Variants in PPP1R16B observed in about 807,000 individuals in gnomAD.
PPP1R16B encodes protein phosphatase 1 regulatory subunit 16B.
A neutral mutation model predicts 61.7 loss-of-function variants in PPP1R16B; 14 were observed. The observed-to-expected ratio is 0.23, with a 90% CI of 0.15 to 0.35. The LOEUF (loss-of-function observed/expected upper bound fraction) is 0.35. Ranked by LOEUF, PPP1R16B falls within the 10% of genes least tolerant of loss-of-function variation. The probability of loss-of-function intolerance (pLI) is 1.00; values close to 1 mark genes in which losing one functional copy is unlikely to be tolerated. For synonymous variants in PPP1R16B, 266 were observed against 305.3 expected (o/e 0.87, Z 1.34); for missense variants, 547 against 752.5 (o/e 0.73, Z 3.19).
chr20:38,883,451 G>A (rs2085217915), intron 2 of PPP1R16B, among the ~76,000 whole-genome samples: 1 of 152,384 alleles, frequency 6.6e-6, no homozygotes, highest in East Asian at 1.9e-4. Flanking sequence ...AGATGGAGAG[G>A]ACCAGATGGC....
At chr20:38,843,766 A>AC (rs1210460691) in intron 2 of PPP1R16B, among the ~76,000 whole-genome samples, 1 of 151,666 alleles carries the variant, frequency 6.6e-6, no homozygotes, top group Admixed American at 6.6e-5. Context: ...ATTTTTCAAA[A>AC]CAAAAAAAAA....
chr20:38,904,929 C>G (rs2085426869), intron 6 of PPP1R16B, among the ~76,000 whole-genome samples: 1 of 152,146 alleles, frequency 6.6e-6, no homozygotes, highest in South Asian at 2.1e-4. Context: ...TTCTCATGGT[C>G]ATCATTTAGG....
rs560956289 is a variant in PPP1R16B at position 38,922,596 on chromosome 20, G to A, written c.*3930G>A. 1 of 152,734 alleles carries A rather than the reference G, an allele frequency of 6.5e-6. No individual in the cohort carries two copies. The highest frequency in any genetic ancestry group is 2.1e-4 in the South Asian group (1 of 4,826). The allele number at this position is 152,734 out of a possible 1,614,324, so 9.5% of individuals were successfully genotyped here. On this transcript the variant is annotated 3_prime_UTR_variant, in exon 11 of 11. Transcript: ENST00000299824. Reference sequence around the variant, plus strand: ...GGCCTGCTTCCCATGGGCATTGCAAGTGCCACCGTGCGGGGCCTGGCTCTG... The same window carrying A: ...GGCCTGCTTCCCATGGGCATTGCAAATGCCACCGTGCGGGGCCTGGCTCTG...
chr20:38,896,110 C>T (rs1468923834), intron 4 of PPP1R16B, among the ~76,000 whole-genome samples: 2 of 115,776 alleles, frequency 1.7e-5, no homozygotes, highest in African/African-American at 3.7e-5. Context: ...TGTCTCCCCT[C>T]CCTTCCTTCT....
At position 38,883,523 on chromosome 20, in the gene PPP1R16B, C is replaced by T. The variant is rs540944382; in HGVS notation, c.251-6072C>T. ...GGTGTAGGCGGAGCAGCGGGGTCGG[C>T]GCCAGGAGCAGGGATACGTGAGTGA... On this transcript the variant is annotated intron_variant, in intron 2 of 10. Transcript: ENST00000299824. 2.6e-5 allele frequency among the ~76,000 whole-genome samples: 4 copies of T among 152,296 alleles called. No individual in the cohort carries two copies. In the South Asian group the frequency reaches 6.2e-4, roughly 24 times the overall value.
intron 1 of PPP1R16B, among the ~76,000 whole-genome samples, chr20:38,833,737 C>T (rs2084851933): frequency 6.6e-6 from 1 of 152,260 alleles, no homozygotes; most frequent in African/African-American, 2.4e-5. Context: ...CACTCAGACC[C>T]TGGAACTTTT....
rs1020310751 is a variant in PPP1R16B at position 38,833,367 on chromosome 20, C to T, written c.-101-2458C>T. Among the ~76,000 whole-genome samples, 3 of 152,162 alleles carry T rather than the reference C, an allele frequency of 2.0e-5. No homozygotes were observed. In the South Asian group the frequency reaches 6.2e-4, roughly 32 times the overall value. ...TGGTTATGAACTGAGGTGGTAGATA[C>T]ATTGATACAATTGCATAAAACAAAA... On this transcript the variant is annotated intron_variant, in intron 1 of 10. Coordinates refer to ENST00000299824, the MANE Select transcript of PPP1R16B (RefSeq NM_015568.4).
At chr20:38,873,472 T>C (rs1363007808) in intron 2 of PPP1R16B, among the ~76,000 whole-genome samples, 1 of 152,172 alleles carries the variant, frequency 6.6e-6, no homozygotes, top group Non-Finnish European at 1.5e-5. Context: ...AACAGATGTC[T>C]GTGTTCTCAC....
chr20:38,895,922 C>CT (rs1461095025), intron 4 of PPP1R16B, among the ~76,000 whole-genome samples: 27 of 92,204 alleles, frequency 2.9e-4, no homozygotes, highest in Non-Finnish European at 4.4e-4. Context: ...TCTTCCCTCC[C>CT]TCCCTCCTTC....
chr20:38,843,006 T>C (rs2084918453), intron 2 of PPP1R16B, among the ~76,000 whole-genome samples: 1 of 152,182 alleles, frequency 6.6e-6, no homozygotes. Context: ...TGATTTTATA[T>C]GGGGTGATTT....
chr20:38,898,230 G>T (rs1165384872), intron 4 of PPP1R16B, among the ~76,000 whole-genome samples: 1 of 152,194 alleles, frequency 6.6e-6, no homozygotes, highest in African/African-American at 2.4e-5. Flanking sequence ...TACACTATCT[G>T]TTGGAAAGAT....
At chr20:38,809,180 G>A (rs2084682528) in intron 1 of PPP1R16B, among the ~76,000 whole-genome samples, 1 of 151,822 alleles carries the variant, frequency 6.6e-6, no homozygotes, top group African/African-American at 2.4e-5. Flanking sequence ...GGTGGGGAGT[G>A]AGTGCGACCC....
chr20:38,895,787 C>CG lies in PPP1R16B; in HGVS notation c.467+77_467+78insG. 2.1e-6 allele frequency: 3 copies of CG among 1,422,432 alleles called. 1 individual carries two copies. The highest frequency in any genetic ancestry group is 1.9e-6 in the Non-Finnish European group (2 of 1,043,832). The allele number at this position is 1,422,432 out of a possible 1,614,324, so 88.1% of individuals were successfully genotyped here. Reference sequence around the variant, plus strand: ...TCCAACTTCCTTCTTTCTCTCCTCCCTCCCTCCTTCCTTCTTTCTCTCCTC... The same window carrying CG: ...TCCAACTTCCTTCTTTCTCTCCTCCCGTCCCTCCTTCCTTCTTTCTCTCCTC... On this transcript the variant is annotated intron_variant, in intron 4 of 10. Transcript: ENST00000299824.
intron 2 of PPP1R16B, among the ~76,000 whole-genome samples, chr20:38,851,166 TAA>T (rs879358972): frequency 2.2e-5 from 3 of 137,334 alleles, no homozygotes; most frequent in Non-Finnish European, 1.6e-5. Context: ...AAAAAACAAT[TAA>T]AAAAAAAAAA....
intron 1 of PPP1R16B, among the ~76,000 whole-genome samples, chr20:38,812,564 A>C (rs983286300): frequency 5.9e-5 from 9 of 152,174 alleles, no homozygotes; most frequent in African/African-American, 2.2e-4. Flanking sequence ...CAGGGGTCTC[A>C]ATTCTGTACG....
At chr20:38,889,888 A>G (rs918498573) in intron 3 of PPP1R16B, among the ~76,000 whole-genome samples, 1 of 152,254 alleles carries the variant, frequency 6.6e-6, no homozygotes, top group Non-Finnish European at 1.5e-5. Context: ...ACGCGACTGC[A>G]CATGCAGGCT....
intron 2 of PPP1R16B, among the ~76,000 whole-genome samples, chr20:38,875,605 C>T (rs1262430760): frequency 6.6e-6 from 1 of 152,206 alleles, no homozygotes; most frequent in African/African-American, 2.4e-5. Context: ...CAAAACCCCC[C>T]AGCGAAGCAA....
intron 4 of PPP1R16B, among the ~76,000 whole-genome samples, chr20:38,896,002 C>A (rs144242330): frequency 0.059 from 5,886 of 100,508 alleles, 755 homozygotes; most frequent in East Asian, 0.13. Flanking sequence ...TTCTCTCCTC[C>A]CTTCCCCCCT....
At chr20:38,858,980 C>T (rs1466611451) in intron 2 of PPP1R16B, among the ~76,000 whole-genome samples, 1 of 152,158 alleles carries the variant, frequency 6.6e-6, no homozygotes, top group Non-Finnish European at 1.5e-5. Context: ...GTGGCCTTGG[C>T]AGAGTCAGAC....
Sources: allele counts gnomAD v4.1 joint callset (sites outside exome capture counted in the v4.1 genomes callset), GRCh38; gene constraint gnomAD v4.1.1; transcripts MANE v1.5; gene names NCBI Gene and HGNC (gene_info 2026-07-23, HGNC 2026-07-21).